The following ACACA variants were observed in gnomAD, a reference collection of about 807,000 sequenced individuals.
ACACA encodes the protein acetyl-CoA carboxylase 1.
Under a neutral mutation model 296.1 loss-of-function variants are expected in ACACA, and 103 were observed. The ratio of observed to expected loss-of-function variants is 0.35; its 90% CI spans 0.30 to 0.41. The LOEUF (loss-of-function observed/expected upper bound fraction) is 0.41, where lower values mean the gene tolerates loss of function less well. Among genes scored for constraint, ACACA ranks in the 10% least tolerant of loss-of-function variants. ACACA has a pLI of 1.00. For synonymous variants in ACACA, 953 were observed against 1,038.6 expected (o/e 0.92, Z 1.58); for missense variants, 1,554 against 2,989.7 (o/e 0.52, Z 11.20).
chr17:37,200,869 T>C (rs1249817190), intron 33 of ACACA, among the ~76,000 whole-genome samples: 1 of 152,126 alleles, frequency 6.6e-6, no homozygotes, highest in Admixed American at 6.5e-5. Context: ...TAAATGAAAT[T>C]AGGTAGAGAG....
chr17:37,139,800 G>A (rs2075488219), intron 45 of ACACA, among the ~76,000 whole-genome samples: 1 of 152,174 alleles, frequency 6.6e-6, no homozygotes, highest in South Asian at 2.1e-4. Context: ...AACTGGCAAA[G>A]TTATTTATGA....
chr17:37,091,304 T>G (rs1425074845), intron 54 of ACACA, among the ~76,000 whole-genome samples: 1 of 152,174 alleles, frequency 6.6e-6, no homozygotes, highest in Non-Finnish European at 1.5e-5. Context: ...TACAGTTGCT[T>G]GAAAATATGG....
At chr17:37,333,960 T>A (rs2047998205) in intron 2 of ACACA, among the ~76,000 whole-genome samples, 1 of 151,836 alleles carries the variant, frequency 6.6e-6, no homozygotes. Context: ...ATTCCCAGAT[T>A]CGGACTTCCC....
intron 52 of ACACA, among the ~76,000 whole-genome samples, chr17:37,111,223 G>A (rs2073955759): frequency 1.3e-5 from 2 of 151,988 alleles, no homozygotes; most frequent in African/African-American, 2.4e-5. Context: ...ATTCTCTGGT[G>A]AGGCCTGCCC....
chr17:37,109,750 G>A (rs1295087135), intron 52 of ACACA, among the ~76,000 whole-genome samples: 1 of 152,210 alleles, frequency 6.6e-6, no homozygotes, highest in Non-Finnish European at 1.5e-5. Context: ...TGAAGAGAAA[G>A]AAGCTTTATC....
intron 1 of ACACA, among the ~76,000 whole-genome samples, chr17:37,371,760 C>T (rs182838278): frequency 1.6e-3 from 237 of 151,866 alleles, no homozygotes; most frequent in African/African-American, 5.4e-3. Flanking sequence ...ATTAGCCAGG[C>T]GTGGTGATGG....
intron 3 of ACACA, among the ~76,000 whole-genome samples, chr17:37,299,022 T>A (rs2083486710): frequency 6.6e-6 from 1 of 152,194 alleles, no homozygotes; most frequent in African/African-American, 2.4e-5. Flanking sequence ...AGGGTCTGCA[T>A]GGGGTGCTTG....
At chr17:37,311,002 C>G (rs1416839543) in intron 3 of ACACA, among the ~76,000 whole-genome samples, 1 of 151,780 alleles carries the variant, frequency 6.6e-6, no homozygotes, top group Non-Finnish European at 1.5e-5. Flanking sequence ...GCATGTGTTT[C>G]AAGAAAAAAG....
intron 45 of ACACA, among the ~76,000 whole-genome samples, chr17:37,138,323 T>C (rs1297501627): frequency 1.3e-5 from 2 of 152,248 alleles, no homozygotes; most frequent in African/African-American, 4.8e-5. Flanking sequence ...TTTCCGCTTC[T>C]TTATCATATT....
intron 33 of ACACA, 124 bp from the exon 34 acceptor site, chr17:37,200,607 G>T: frequency 1.2e-6 from 1 of 851,942 alleles, no homozygotes; most frequent in Non-Finnish European, 1.9e-6. Context: ...CCTTATCTTA[G>T]CTTAGTACCT....
chr17:37,320,745 G>A (rs1399063128), intron 3 of ACACA, among the ~76,000 whole-genome samples: 1 of 151,472 alleles, frequency 6.6e-6, no homozygotes, highest in African/African-American at 2.4e-5. Flanking sequence ...TCAGGGGTTC[G>A]AGACCAGCCT....
At chr17:37,338,842 A>G (rs1405023174) in intron 2 of ACACA, among the ~76,000 whole-genome samples, 1 of 151,906 alleles carries the variant, frequency 6.6e-6, no homozygotes, top group East Asian at 1.9e-4. Context: ...TGGGAGGCTG[A>G]GGCATGAGAA....
At chr17:37,091,831 C>T (rs1416895259) in intron 54 of ACACA, among the ~76,000 whole-genome samples, 2 of 152,012 alleles carry the variant, frequency 1.3e-5, no homozygotes, top group Non-Finnish European at 2.9e-5. Context: ...CTGCCTTGGC[C>T]TCCCAAAGTG....
chr17:37,392,285 G>T (rs1485634285), intron 1 of ACACA: 1 of 152,994 alleles, frequency 6.5e-6, no homozygotes, highest in Non-Finnish European at 1.5e-5. Context: ...TCCCCAAGGG[G>T]TTCAGGGACT....
intron 1 of ACACA, among the ~76,000 whole-genome samples, chr17:37,361,863 G>A (rs2049417121): frequency 6.6e-6 from 1 of 152,240 alleles, no homozygotes; most frequent in Admixed American, 6.5e-5. Context: ...AGAGAAGGAT[G>A]AGTGGTACAT....
rs1295176626 is a variant in ACACA, at chr17:37,342,436, A to AATATAT, written c.39-2592_39-2587dup. 8.6e-3 allele frequency among the ~76,000 whole-genome samples: 501 copies of AATATAT among 58,180 alleles called. 3 individuals are homozygous for AATATAT. Among genetic ancestry groups the AATATAT allele is most frequent in the Middle Eastern group, 0.057 (4 of 70 alleles). The allele number at this position is 58,180 out of a possible 152,430, so 38.2% of individuals were successfully genotyped here. A position where few individuals can be genotyped will look rare whatever the true frequency, so the allele number is the denominator to read the frequency against. On this transcript the variant is annotated intron_variant, in intron 1 of 55. Coordinates refer to ENST00000616317, the MANE Select transcript of ACACA (RefSeq NM_198834.3). ...AAAAAAAAAAAAAAAAAAAAAAAAA[A>AATATAT]ATATATATATATATATATATATACA... is the stretch of plus-strand genomic sequence containing the variant.
chr17:37,397,122 G>A (rs906786440), intron 1 of ACACA, among the ~76,000 whole-genome samples: 21 of 151,512 alleles, frequency 1.4e-4, no homozygotes, highest in African/African-American at 4.9e-4. Context: ...CCACCTATGA[G>A]TGAGAACATG....
chr17:37,386,265 T>C (rs962303074), intron 1 of ACACA: 22 of 605,034 alleles, frequency 3.6e-5, no homozygotes, highest in East Asian at 1.5e-4. Context: ...TGAATGTACA[T>C]TGAAAAATCA....
intron 25 of ACACA, 51 bp downstream of exon 25, chr17:37,234,924 C>T (rs371592108): frequency 6.2e-7 from 1 of 1,607,502 alleles, no homozygotes; most frequent in Non-Finnish European, 8.5e-7. Flanking sequence ...GAAAAAAATA[C>T]TTTTTGCATA....
Sources: gnomAD v4.1 joint callset for allele counts (sites outside exome capture counted in the v4.1 genomes callset) on GRCh38, gnomAD v4.1.1 for gene constraint, MANE v1.5 for transcripts, NCBI Gene and HGNC (gene_info 2026-07-23, HGNC 2026-07-21) for gene names.